Variants in ZNF775 observed in about 807,000 individuals in gnomAD.
The protein encoded by ZNF775 is zinc finger protein 775.
ZNF775 carries 1 observed loss-of-function variant against 2.4 expected under a neutral mutation model. The observed-to-expected ratio is 0.41, with a 90% CI of 0.15 to 1.94. ZNF775 has a LOEUF of 1.94. Ranked by LOEUF, ZNF775 falls within the 30% of genes most tolerant of loss-of-function variation. The pLI is 0.30. For synonymous variants in ZNF775, 381 were observed against 373.3 expected (o/e 1.02, Z -0.24); for missense variants, 823 against 826.6 (o/e 1.00, Z 0.05).
chr7:150,386,605 T>C (rs1182583320), intron 1 of ZNF775, among the ~76,000 whole-genome samples: 1 of 151,694 alleles, frequency 6.6e-6, no homozygotes, highest in South Asian at 2.1e-4. Flanking sequence ...CCAGGGTGCC[T>C]GGGAGGAGGG....
At chr7:150,389,133 G>A (rs180709271) in intron 2 of ZNF775, among the ~76,000 whole-genome samples, 90 of 152,364 alleles carry the variant, frequency 5.9e-4, no homozygotes, top group Admixed American at 9.8e-4. Flanking sequence ...CGCATGTGGC[G>A]TGTGGCCCAG....
intron 1 of ZNF775, among the ~76,000 whole-genome samples, chr7:150,386,054 G>C (rs1800447260): frequency 6.6e-6 from 1 of 152,064 alleles, no homozygotes; most frequent in South Asian, 2.1e-4. Flanking sequence ...TCCTGTCTCA[G>C]CTTCCCGAGT....
chr7:150,391,849 T>TGCTCCTGAGTAGCA (rs1800565334), intron 2 of ZNF775, among the ~76,000 whole-genome samples: 1 of 151,766 alleles, frequency 6.6e-6, no homozygotes, highest in African/African-American at 2.4e-5. Flanking sequence ...GTAGCTGGGA[T>TGCTCCTGAGTAGCA]TGCAGGCACA....
intron 1 of ZNF775, among the ~76,000 whole-genome samples, chr7:150,381,562 A>ACCGCCC (rs1800362605): frequency 2.5e-5 from 1 of 40,442 alleles, no homozygotes; most frequent in African/African-American, 9.4e-5. Context: ...CCCACCCCCC[A>ACCGCCC]CCGCCCCCGC....
At position 150,397,411 on chromosome 7, in the gene ZNF775, G is replaced by A. The variant is rs767808199; in HGVS notation, c.930G>A (p.Ala310=). 9 of 1,594,162 alleles carry A rather than the reference G, an allele frequency of 5.6e-6. No homozygotes were observed. The highest frequency in any genetic ancestry group is 7.7e-6 in the Non-Finnish European group (9 of 1,173,954). Residue 310 remains alanine (A), a synonymous_variant, in exon 3 of 3, where the codon GCG becomes GCA. Transcript: ENST00000329630. ...QRIHTGERPY[A]CPECGRRFSQ... ...TCCACACTGGCGAGCGCCCCTATGC[G>A]TGCCCCGAGTGCGGCCGCCGCTTCA...
rs1405456416 is a variant in ZNF775 at position 150,384,575 on chromosome 7, A to G, written c.-49-3847A>G. On this transcript the variant is annotated intron_variant, in intron 1 of 2. Transcript: ENST00000329630. This position sits in a 1 kb window ranked among gnomAD's most constrained non-coding sequence, Gnocchi z 4.1. ...ACACCTGCTGTGCCATTTCCCAGAC[A>G]TAGCCCACCTGAGCACACAGGTAGA... Among the ~76,000 whole-genome samples the G allele has an allele frequency of 2.0e-5, 3 of 152,184 alleles. No individual in the cohort carries two copies. Among genetic ancestry groups the G allele is most frequent in the East Asian group, 1.9e-4 (1 of 5,192 alleles).
At chr7:150,387,455 G>T (rs901365451) in intron 1 of ZNF775, among the ~76,000 whole-genome samples, 1 of 152,126 alleles carries the variant, frequency 6.6e-6, no homozygotes, top group Non-Finnish European at 1.5e-5. Flanking sequence ...AGTGTGACCT[G>T]TCCTGTCATG....
chr7:150,388,303 G>A, intron 1 of ZNF775, 119 bp from the exon 2 acceptor site: 1 of 720,864 alleles, frequency 1.4e-6, no homozygotes, highest in Non-Finnish European at 2.3e-6. Context: ...ATGTGGCTAT[G>A]GATAGAAAAG....
rs1270161333 is a variant in ZNF775 at position 150,384,998 on chromosome 7, A to G, written c.-49-3424A>G. ...TCCTCGGTCTGAGTTCCCCTTACCAAGGTGGCTTCTCTGTCCACTAGCCCC... is the reference window on the plus strand; with the variant it reads ...TCCTCGGTCTGAGTTCCCCTTACCAGGGTGGCTTCTCTGTCCACTAGCCCC... On this transcript the variant is annotated intron_variant, in intron 1 of 2. Transcript: ENST00000329630. The surrounding 1 kb of genome is among the most constrained non-coding windows in gnomAD (Gnocchi z 4.1). Among the ~76,000 whole-genome samples, 1 of 152,170 alleles carries G rather than the reference A, an allele frequency of 6.6e-6. No homozygotes were observed. Among genetic ancestry groups the G allele is most frequent in the Non-Finnish European group, 1.5e-5 (1 of 68,024 alleles).
chr7:150,397,166 C>T lies in ZNF775; in HGVS notation c.685C>T (p.Gln229Ter), dbSNP rs1477132967. Residue 229 changes from glutamine to a stop codon, truncating the protein, a stop_gained, in exon 3 of 3, where the codon CAG becomes TAG. Transcript: ENST00000329630. LOFTEE classifies it low-confidence loss of function (END_TRUNC). ...CCGCGCCGGCCTGCACGAGCTGATT[C>T]AGGACGCGGCGGCGCGCCGGGCCTG... is the stretch of plus-strand genomic sequence containing the variant. ...GSRAGLHELI[Q>*]DAAARRACRL... The T allele has an allele frequency of 1.4e-6, 2 of 1,379,758 alleles. No individual in the cohort carries two copies. The highest frequency in any genetic ancestry group is 3.1e-5 in the South Asian group (2 of 63,598). The allele number at this position is 1,379,758 out of a possible 1,614,324, so 85.5% of individuals were successfully genotyped here.
intron 2 of ZNF775, 67 bp from the exon 3 acceptor site, chr7:150,396,446 C>G (rs1436495136): frequency 2.7e-6 from 4 of 1,486,012 alleles, no homozygotes; most frequent in Non-Finnish European, 3.6e-6. Flanking sequence ...CTTGCTCCTT[C>G]TCTCCATCCC....
rs1414988339 is a variant in ZNF775, at chr7:150,396,915, G to A, written c.434G>A (p.Ser145Asn). The part of the protein sequence containing the change: ...YLCGKCGKSF[S>N]QKPNLARHQR... ...TGCGGCAAGTGCGGCAAGAGCTTCA[G>A]CCAGAAGCCGAACCTGGCGCGCCAC... The change falls in exon 3 of 3, where the codon AGC becomes AAC. Residue 145 changes from serine (S) to asparagine (N), a missense_variant. Transcript: ENST00000329630. 7 of 1,601,944 alleles carry A rather than the reference G, an allele frequency of 4.4e-6. No homozygotes were observed. Among genetic ancestry groups the A allele is most frequent in the Non-Finnish European group, 5.1e-6 (6 of 1,179,692 alleles).
chr7:150,386,506 T>C (rs1200541252), intron 1 of ZNF775, among the ~76,000 whole-genome samples: 1 of 152,124 alleles, frequency 6.6e-6, no homozygotes, highest in East Asian at 1.9e-4. Flanking sequence ...CCCCAGTGTC[T>C]GGGCTCTGAA....
chr7:150,397,481 G>T lies in ZNF775; in HGVS notation c.1000G>T (p.Glu334Ter). ...LTRHLRNHTGERPHPCPHCGR... is the reference protein window; with the variant it reads ...LTRHLRNHTG ...GCGGCACCTGCGCAACCACACAGGC[G>T]AGCGCCCGCACCCCTGCCCGCACTG... Residue 334 changes from glutamate to a stop codon, truncating the protein, a stop_gained, in exon 3 of 3, where the codon GAG (glutamate) becomes TAG (stop). Coordinates refer to ENST00000329630, the MANE Select transcript of ZNF775 (RefSeq NM_173680.4). LOFTEE classifies it low-confidence loss of function (END_TRUNC). 3.1e-6 allele frequency: 5 copies of T among 1,588,944 alleles called. No individual in the cohort carries two copies. The highest frequency in any genetic ancestry group is 1.3e-5 in the African/African-American group (1 of 74,272).
chr7:150,396,807 G>A lies in ZNF775; in HGVS notation c.326G>A (p.Cys109Tyr), dbSNP rs765855757. The change falls in exon 3 of 3, where the codon TGC becomes TAC. Residue 109 changes from cysteine (C) to tyrosine (Y), a missense_variant. Transcript: ENST00000329630. ...SLSSGEGHFV[C>Y]LDCGKRFSWW... Reference sequence around the variant, plus strand: ...TCCTCCGGCGAGGGTCACTTTGTATGCCTGGACTGCGGGAAGAGGTTCAGC... The same window carrying A: ...TCCTCCGGCGAGGGTCACTTTGTATACCTGGACTGCGGGAAGAGGTTCAGC... 15 of 1,599,924 alleles carry A rather than the reference G, an allele frequency of 9.4e-6. No homozygotes were observed. The Admixed American group carries it at 2.2e-4, about 24-fold the overall frequency.
chr7:150,397,465 G>T lies in ZNF775; in HGVS notation c.984G>T (p.Leu328=), dbSNP rs1392689193. 1.3e-6 allele frequency: 2 copies of T among 1,593,316 alleles called. No homozygotes were observed. The highest frequency in any genetic ancestry group is 1.7e-6 in the Non-Finnish European group (2 of 1,175,060). The stretch of plus-strand genomic sequence containing the variant: ...AGAAGCCCAACTTGACGCGGCACCT[G>T]CGCAACCACACAGGCGAGCGCCCGC... ...FSQKPNLTRH[L]RNHTGERPHP... The change falls in exon 3 of 3, where the codon CTG becomes CTT. Residue 328 remains leucine, a synonymous_variant. Coordinates refer to ENST00000329630, the MANE Select transcript of ZNF775 (RefSeq NM_173680.4).
At chr7:150,388,899 C>T (rs1800506160) in intron 2 of ZNF775, among the ~76,000 whole-genome samples, 1 of 152,210 alleles carries the variant, frequency 6.6e-6, no homozygotes, top group Non-Finnish European at 1.5e-5. Context: ...ACATTGTCTT[C>T]AGTTCAGTCC....
intron 1 of ZNF775, among the ~76,000 whole-genome samples, chr7:150,385,967 C>CT (rs35572321): frequency 0.33 from 50,736 of 151,604 alleles, 9,593 homozygotes; most frequent in East Asian, 0.43. Flanking sequence ...GCTTATTTAG[C>CT]TTTTTTTTGA....
In ZNF775 at chr7:150,384,132, C is replaced by A. The variant is rs915559054; in HGVS notation, c.-49-4290C>A. 6.6e-6 allele frequency among the ~76,000 whole-genome samples: 1 copy of A among 152,218 alleles called. No homozygotes were observed. The highest frequency in any genetic ancestry group is 1.5e-5 in the Non-Finnish European group (1 of 68,034). On this transcript the variant is annotated intron_variant, in intron 1 of 2. Coordinates refer to ENST00000329630, the MANE Select transcript of ZNF775 (RefSeq NM_173680.4). The surrounding 1 kb of genome is among the most constrained non-coding windows in gnomAD (Gnocchi z 4.1). Reference sequence around the variant, plus strand: ...GGCTCTTAACTGAACTGCAGCCTGACCCGGTGCGCGGAGGGCCGGGCCAGG... The same window carrying A: ...GGCTCTTAACTGAACTGCAGCCTGAACCGGTGCGCGGAGGGCCGGGCCAGG...
Sources: gnomAD v4.1 joint callset for allele counts (sites outside exome capture counted in the v4.1 genomes callset) on GRCh38, gnomAD v4.1.1 for gene constraint, Gnocchi (gnomAD v3.1) non-coding constraint, MANE v1.5 for transcripts, NCBI Gene and HGNC (gene_info 2026-07-23, HGNC 2026-07-21) for gene names.